The following LIN54 variants were observed in gnomAD, a reference collection of about 807,000 sequenced individuals.
The protein encoded by LIN54 is lin-54 DREAM MuvB core complex component, also known as protein lin-54 homolog.
In LIN54, 9 loss-of-function variants were observed where a neutral mutation model predicts 78.7. The ratio of observed to expected loss-of-function variants is 0.11; its 90% CI spans 0.07 to 0.20. The LOEUF is 0.20. LIN54 is among the 10% of genes least tolerant of loss of function. The pLI is 1.00. For synonymous variants in LIN54, 269 were observed against 318.4 expected, an observed-to-expected ratio of 0.84 and a Z score of 1.65; for missense variants, 573 against 889.9, an observed-to-expected ratio of 0.64 and a Z score of 4.53.
At position 83,001,847 on chromosome 4, in the gene LIN54, C is replaced by CAA. The variant is rs150165095; in HGVS notation, c.-33+8635_-33+8636dup. Among the ~76,000 whole-genome samples the CAA allele has an allele frequency of 8.4e-5, 3 of 35,528 alleles. 1 individual carries two copies. The highest frequency in any genetic ancestry group is 5.0e-4 in the Admixed American group (2 of 3,984). The allele number at this position is 35,528 out of a possible 152,430, so 23.3% of individuals were successfully genotyped here. ...TGGGCGACAGAGCAAGACTCTGTCTCAAAAAAAAAAAAAGGATAGGAAGGA... is the reference window on the plus strand; with the variant it reads ...TGGGCGACAGAGCAAGACTCTGTCTCAAAAAAAAAAAAAAAGGATAGGAAGGA... On this transcript the variant is annotated intron_variant, in intron 1 of 12. Coordinates refer to ENST00000340417, the MANE Select transcript of LIN54 (RefSeq NM_194282.4).
At chr4:82,957,647 AC>A (rs918694485) in intron 4 of LIN54, among the ~76,000 whole-genome samples, 18 of 152,128 alleles carry the variant, frequency 1.2e-4, no homozygotes, top group Non-Finnish European at 2.5e-4. Flanking sequence ...TCTAAACCAT[AC>A]CCATAGAAAA....
chr4:82,946,473 G>A lies in LIN54; in HGVS notation c.953C>T (p.Ala318Val), dbSNP rs1258385836. The stretch of plus-strand genomic sequence containing the variant: ...GATGGTCTGCACAGTTGATTTCACT[G>A]CCTATTAAACAATACAACATGGCTG... ...AISPLKSPNK[A>V]VKSTVQTITV... Residue 318 changes from alanine (A) to valine (V), a missense_variant and splice_region_variant, in exon 5 of 13, where the codon GCA becomes GTA. Physicochemically the swap from Ala to Val is moderately conservative, Grantham distance 64 (BLOSUM62 0). Coordinates refer to ENST00000340417, the MANE Select transcript of LIN54 (RefSeq NM_194282.4). 3 of 1,609,006 alleles carry A rather than the reference G, an allele frequency of 1.9e-6. No homozygotes were observed. In the South Asian group the frequency reaches 3.3e-5, roughly 18 times the overall value.
chr4:82,960,795 CATACA>C (rs1560747522), intron 4 of LIN54, among the ~76,000 whole-genome samples: 1 of 152,140 alleles, frequency 6.6e-6, no homozygotes, highest in Admixed American at 6.5e-5. Context: ...CGTGGTAGCT[CATACA>C]TGTAATCCCA....
intron 4 of LIN54, among the ~76,000 whole-genome samples, chr4:82,955,151 C>G (rs539425982): frequency 1.1e-4 from 16 of 152,202 alleles, no homozygotes; most frequent in African/African-American, 3.9e-4. Flanking sequence ...GGAGGCGGAT[C>G]ACTTGAGGTC....
intron 4 of LIN54, among the ~76,000 whole-genome samples, chr4:82,963,019 GCAA>G (rs1307938383): frequency 1.3e-5 from 2 of 151,394 alleles, no homozygotes; most frequent in African/African-American, 4.9e-5. Context: ...AAAGAAATGA[GCAA>G]CAACAAAACA....
intron 3 of LIN54, among the ~76,000 whole-genome samples, chr4:82,976,537 G>A (rs539858765): frequency 5.9e-5 from 9 of 152,094 alleles, no homozygotes; most frequent in African/African-American, 1.4e-4. Flanking sequence ...GTGAAACCCC[G>A]TCTCTACTAA....
intron 5 of LIN54, among the ~76,000 whole-genome samples, chr4:82,941,149 G>GATATATATAT (rs3081913): frequency 0.049 from 6,370 of 130,812 alleles, 213 homozygotes; most frequent in Middle Eastern, 0.097. Flanking sequence ...GAGTTAAGAG[G>GATATATATAT]ATATATATAT....
At chr4:83,006,794 T>C (rs1057261264) in intron 1 of LIN54, among the ~76,000 whole-genome samples, 1 of 152,214 alleles carries the variant, frequency 6.6e-6, no homozygotes, top group Admixed American at 6.5e-5. Context: ...TGCTACATGA[T>C]AATTACATGA....
upstream of LIN54, among the ~76,000 whole-genome samples, chr4:83,012,334 C>G (rs1390164140): frequency 6.6e-6 from 1 of 152,130 alleles, no homozygotes; most frequent in East Asian, 1.9e-4. Flanking sequence ...AGAGCCTGTA[C>G]AAAGGGGCAT....
Position 82,927,876 on chromosome 4 carries a change from T to C in LIN54, c.*226A>G. On this transcript the variant is annotated 3_prime_UTR_variant, in exon 13 of 13. Transcript: ENST00000340417. ...ACCCAAGCAAATTAAAAAATCTATA[T>C]AATAAAGAAAAATTCAATTTAGAAG... 2.2e-6 allele frequency: 1 copy of C among 453,674 alleles called. No individual in the cohort carries two copies. The allele number at this position is 453,674 out of a possible 1,614,324, so 28.1% of individuals were successfully genotyped here.
chr4:82,945,146 C>T (rs909438957), intron 5 of LIN54, among the ~76,000 whole-genome samples: 11 of 151,990 alleles, frequency 7.2e-5, no homozygotes, highest in East Asian at 5.8e-4. Context: ...TGAGCCACAG[C>T]GCCTGATCTA....
intron 1 of LIN54, among the ~76,000 whole-genome samples, chr4:82,990,735 C>G (rs1029966918): frequency 1.3e-5 from 2 of 151,996 alleles, no homozygotes; most frequent in African/African-American, 4.8e-5. Context: ...CGCCCGCCTC[C>G]GCCTCCCAAA....
intron 3 of LIN54, among the ~76,000 whole-genome samples, chr4:82,971,754 G>A (rs535626501): frequency 2.6e-5 from 4 of 152,212 alleles, no homozygotes; most frequent in African/African-American, 9.6e-5. Context: ...ACACAAGTGA[G>A]TTTCTAGTCA....
chr4:82,963,625 A>C (rs1182221322), intron 4 of LIN54, among the ~76,000 whole-genome samples: 2 of 152,156 alleles, frequency 1.3e-5, no homozygotes, highest in Non-Finnish European at 2.9e-5. Context: ...AAGTAATATA[A>C]ATTGGAAAGT....
chr4:83,011,934 G>A (rs1729877078), upstream of LIN54: 1 of 648,838 alleles, frequency 1.5e-6, no homozygotes, highest in Non-Finnish European at 1.9e-6. Flanking sequence ...TTTCAAGGCT[G>A]CGAACAGGGC....
At chr4:82,944,396 G>T (rs1214428841) in intron 5 of LIN54, among the ~76,000 whole-genome samples, 1 of 152,030 alleles carries the variant, frequency 6.6e-6, no homozygotes, top group African/African-American at 2.4e-5. Flanking sequence ...TACCTAAGTA[G>T]ATTGGACTTA....
chr4:82,957,211 G>A (rs1724401249), intron 4 of LIN54, among the ~76,000 whole-genome samples: 1 of 152,058 alleles, frequency 6.6e-6, no homozygotes, highest in Non-Finnish European at 1.5e-5. Context: ...TTTCAACTTG[G>A]CAATACTGTC....
At chr4:82,950,949 TAAGAA>T (rs947425315) in intron 4 of LIN54, among the ~76,000 whole-genome samples, 2 of 152,250 alleles carry the variant, frequency 1.3e-5, no homozygotes, top group African/African-American at 4.8e-5. Flanking sequence ...GATATGTAGA[TAAGAA>T]AATACAGAGA....
At chr4:83,001,529 A>C (rs1229988318) in intron 1 of LIN54, among the ~76,000 whole-genome samples, 1 of 151,508 alleles carries the variant, frequency 6.6e-6, no homozygotes, top group Non-Finnish European at 1.5e-5. Context: ...CAGCCTGAGC[A>C]GGAGTGAAAT....
Sources: allele counts gnomAD v4.1 joint callset (sites outside exome capture counted in the v4.1 genomes callset), GRCh38; gene constraint gnomAD v4.1.1; transcripts MANE v1.5; gene names NCBI Gene and HGNC (gene_info 2026-07-23, HGNC 2026-07-21).